The following RTL4 variants were observed in gnomAD, a reference collection of about 807,000 sequenced individuals.
RTL4 encodes the protein retrotransposon Gag like 4.
Under a neutral mutation model 5.3 loss-of-function variants are expected in RTL4, and 4 were observed. The observed-to-expected ratio is 0.75, with a 90% CI of 0.37 to 1.72. The LOEUF is 1.72. Among genes scored for constraint, RTL4 ranks in the 40% most tolerant of loss-of-function variants. The pLI is 0.04. For synonymous variants in RTL4, 98 were observed against 87.3 expected (o/e 1.12, Z -0.68); for missense variants, 260 against 227.1 (o/e 1.14, Z -0.93).
At chrX:112,382,174 A>G in the RTL4 span, 5 of 1,203,700 alleles carry the variant, frequency 4.2e-6, no homozygotes, top group Non-Finnish European at 5.6e-6. Flanking sequence ...TGTTCCAAAG[A>G]CCACACCCAG....
At chrX:112,429,121 G>A in the RTL4 span, among the ~76,000 whole-genome samples, 8 of 111,169 alleles carry the variant, frequency 7.2e-5, no homozygotes, top group Non-Finnish European at 1.1e-4. Context: ...TTTAAATTGA[G>A]GTAATGAGAC....
At chrX:112,304,047 G>A in the RTL4 span, among the ~76,000 whole-genome samples, 41 of 110,036 alleles carry the variant, frequency 3.7e-4, no homozygotes, top group Admixed American at 3.0e-3. Flanking sequence ...TTTTTTGAGC[G>A]TGGCCATATG....
chrX:112,156,229 A>G, the RTL4 span, among the ~76,000 whole-genome samples: 1 of 112,763 alleles, frequency 8.9e-6, no homozygotes, highest in African/African-American at 3.2e-5. Context: ...GAACTCCAGA[A>G]GGAATTTTTC....
the RTL4 span, among the ~76,000 whole-genome samples, chrX:112,406,756 T>TGAGGA: frequency 9.1e-6 from 1 of 109,963 alleles, no homozygotes; most frequent in Non-Finnish European, 1.9e-5. Context: ...TCCATCTGCT[T>TGAGGA]GAGGAGAGGA....
the RTL4 span, among the ~76,000 whole-genome samples, chrX:112,441,428 G>T: frequency 3.6e-5 from 4 of 111,759 alleles, no homozygotes; most frequent in African/African-American, 1.3e-4. Context: ...AAGACAGCGG[G>T]ATAGAGATTA....
the RTL4 span, among the ~76,000 whole-genome samples, chrX:112,188,496 G>A: frequency 8.9e-6 from 1 of 111,764 alleles, no homozygotes; most frequent in Non-Finnish European, 1.9e-5. Flanking sequence ...TGATGAAAAA[G>A]GAAAGTCTGG....
chrX:112,150,018 C>T, the RTL4 span, among the ~76,000 whole-genome samples: 1 of 111,093 alleles, frequency 9.0e-6, no homozygotes, highest in Admixed American at 9.6e-5. Context: ...ATAGAGGGAG[C>T]AACCAATGAC....
At chrX:112,347,278 A>G in the RTL4 span, among the ~76,000 whole-genome samples, 11 of 111,765 alleles carry the variant, frequency 9.8e-5, no homozygotes, top group East Asian at 2.5e-3. Flanking sequence ...TCATCAAGGC[A>G]TATGCTAACT....
At chrX:112,161,848 T>TTC in the RTL4 span, among the ~76,000 whole-genome samples, 46 of 38,299 alleles carry the variant, frequency 1.2e-3, no homozygotes, top group African/African-American at 4.0e-3. Flanking sequence ...TTCCTTCCTT[T>TTC]CTTTCTTTCT....
At chrX:112,284,810 A>G in the RTL4 span, among the ~76,000 whole-genome samples, 1 of 111,626 alleles carries the variant, frequency 9.0e-6, no homozygotes, top group Admixed American at 9.6e-5. Flanking sequence ...GGTGTCATCA[A>G]TTTAGTATGT....
At chrX:112,346,779 T>A in the RTL4 span, among the ~76,000 whole-genome samples, 1 of 111,545 alleles carries the variant, frequency 9.0e-6, no homozygotes, top group East Asian at 2.8e-4. Flanking sequence ...ATGTAAGGTT[T>A]ACATATAGAT....
chrX:112,348,197 A>G, the RTL4 span, among the ~76,000 whole-genome samples: 2 of 108,515 alleles, frequency 1.8e-5, no homozygotes, highest in Admixed American at 9.9e-5. Context: ...TTTTATGTAA[A>G]TTTTCTGTTT....
At chrX:112,117,045 A>T in the RTL4 span, among the ~76,000 whole-genome samples, 1 of 111,760 alleles carries the variant, frequency 8.9e-6, no homozygotes, top group Admixed American at 9.5e-5. Flanking sequence ...TAATCTCAGG[A>T]TGGATAACTG....
chrX:112,197,140 G>A, the RTL4 span, among the ~76,000 whole-genome samples: 1 of 98,999 alleles, frequency 1.0e-5, no homozygotes, highest in Non-Finnish European at 2.0e-5. Context: ...TTTTTTAAAT[G>A]GGCAAAGGAC....
At chrX:112,206,137 CAA>C in the RTL4 span, among the ~76,000 whole-genome samples, 1 of 111,897 alleles carries the variant, frequency 8.9e-6, no homozygotes, top group East Asian at 2.8e-4. Flanking sequence ...CCCCAGAAAT[CAA>C]AGACTTTTAA....
the RTL4 span, among the ~76,000 whole-genome samples, chrX:112,089,298 T>A: frequency 9.0e-6 from 1 of 111,140 alleles, no homozygotes; most frequent in Non-Finnish European, 1.9e-5. Flanking sequence ...ATGCTTTCAG[T>A]GTTATATTTA....
the RTL4 span, among the ~76,000 whole-genome samples, chrX:112,186,541 C>A: frequency 0.026 from 2,932 of 111,758 alleles, 60 homozygotes; most frequent in African/African-American, 0.067. Flanking sequence ...AAGAGAGAGG[C>A]AGACAGAAAG....
the RTL4 span, among the ~76,000 whole-genome samples, chrX:112,102,004 T>A: frequency 9.0e-6 from 1 of 110,901 alleles, no homozygotes; most frequent in African/African-American, 3.3e-5. Flanking sequence ...ATTTTAGACT[T>A]CTGGCCTCCA....
At chrX:112,223,557 A>C in the RTL4 span, among the ~76,000 whole-genome samples, 1 of 112,086 alleles carries the variant, frequency 8.9e-6, no homozygotes, top group African/African-American at 3.2e-5. Flanking sequence ...TAGGTCACTA[A>C]GGAGGCCACA....
Sources: gnomAD v4.1 joint callset for allele counts (sites outside exome capture counted in the v4.1 genomes callset) on GRCh38, gnomAD v4.1.1 for gene constraint, MANE v1.5 for transcripts, NCBI Gene and HGNC (gene_info 2026-07-23, HGNC 2026-07-21) for gene names.